The following RBFOX1 variants were observed in gnomAD, a reference collection of about 807,000 sequenced individuals.
RBFOX1 encodes RNA binding fox-1 homolog 1.
A neutral mutation model predicts 57.7 loss-of-function variants in RBFOX1; 8 were observed. That is an observed-to-expected ratio of 0.14 (90% CI 0.08 to 0.25). The LOEUF (loss-of-function observed/expected upper bound fraction) is 0.25, where lower values mean the gene tolerates loss of function less well. Ranked by LOEUF, RBFOX1 falls within the 10% of genes least tolerant of loss-of-function variation. RBFOX1 has a pLI of 1.00. For missense variants in RBFOX1, 611 were observed against 548.5 expected (o/e 1.11, Z -1.14); for synonymous variants, 326 against 222.4 (o/e 1.47, Z -4.15).
At chr16:7,617,573 G>A (rs986302149) in intron 10 of RBFOX1, among the ~76,000 whole-genome samples, 1 of 152,130 alleles carries the variant, frequency 6.6e-6, no homozygotes, top group Admixed American at 6.5e-5. Context: ...CATGACCTTA[G>A]CTGGATGGCA....
At chr16:7,628,575 C>T (rs536300471) in intron 10 of RBFOX1, among the ~76,000 whole-genome samples, 6 of 151,992 alleles carry the variant, frequency 3.9e-5, no homozygotes, top group Non-Finnish European at 8.8e-5. Flanking sequence ...ATACCTGAGG[C>T]GAGGTTAAAC....
intron 1 of RBFOX1, among the ~76,000 whole-genome samples, chr16:5,302,101 C>G (rs992616039): frequency 2.0e-5 from 3 of 152,010 alleles, no homozygotes; most frequent in African/African-American, 7.2e-5. Context: ...TAGGCTAGTG[C>G]TGGTTTATCT....
intron 3 of RBFOX1, among the ~76,000 whole-genome samples, chr16:5,665,141 C>CG (rs1567367814): frequency 2.5e-5 from 3 of 121,258 alleles, no homozygotes; most frequent in South Asian, 2.9e-4. Flanking sequence ...TGGGGGGGGG[C>CG]GGTCTTGCTA....
At chr16:7,449,055 G>GAGT (rs1380215928) in intron 4 of RBFOX1, among the ~76,000 whole-genome samples, 1 of 149,296 alleles carries the variant, frequency 6.7e-6, no homozygotes, top group Admixed American at 6.9e-5. Context: ...TCAGTCTCCG[G>GAGT]AGTAGCTGGG....
At chr16:6,304,190 A>G (rs144391259) in intron 1 of RBFOX1, among the ~76,000 whole-genome samples, 2,330 of 151,858 alleles carry the variant, frequency 0.015, 63 homozygotes, top group African/African-American at 0.053. Flanking sequence ...CAGGAGGCTG[A>G]GGAAGGAGGA....
intron 4 of RBFOX1, among the ~76,000 whole-genome samples, chr16:7,238,776 G>T (rs539725784): frequency 6.6e-5 from 10 of 152,068 alleles, no homozygotes; most frequent in Admixed American, 5.2e-4. Context: ...TGTTTCTCCC[G>T]ATCCTGTCCC....
intron 1 of RBFOX1, among the ~76,000 whole-genome samples, chr16:6,233,527 T>G (rs1323638445): frequency 6.6e-6 from 1 of 152,130 alleles, no homozygotes; most frequent in African/African-American, 2.4e-5. Context: ...AAATCCTTCG[T>G]GTGGGTGGAG....
At chr16:7,225,905 A>AATCAATAAATATATATAT (rs1555600462) in intron 4 of RBFOX1, among the ~76,000 whole-genome samples, 7 of 93,742 alleles carry the variant, frequency 7.5e-5, no homozygotes, top group African/African-American at 3.3e-4. Flanking sequence ...AAGTATAATA[A>AATCAATAAATATATATAT]ATATATATAT....
At chr16:5,322,112 A>C (rs1197086269) in intron 1 of RBFOX1, among the ~76,000 whole-genome samples, 1 of 152,190 alleles carries the variant, frequency 6.6e-6, no homozygotes, top group Non-Finnish European at 1.5e-5. Flanking sequence ...GACGCATCTG[A>C]TTCCAAAGCT....
At chr16:6,661,246 G>A (rs148656059) in intron 3 of RBFOX1, among the ~76,000 whole-genome samples, 1 of 152,286 alleles carries the variant, frequency 6.6e-6, no homozygotes, top group East Asian at 1.9e-4. Context: ...AGTGTTGAAA[G>A]CTAACTCTCA....
intron 1 of RBFOX1, among the ~76,000 whole-genome samples, chr16:5,313,969 A>G (rs2064161968): frequency 6.6e-6 from 1 of 152,132 alleles, no homozygotes; most frequent in Non-Finnish European, 1.5e-5. Context: ...TTCTCTGGGT[A>G]AGGTTGTAGC....
At chr16:5,724,607 A>G (rs2052063747) in intron 3 of RBFOX1, among the ~76,000 whole-genome samples, 1 of 152,144 alleles carries the variant, frequency 6.6e-6, no homozygotes, top group East Asian at 1.9e-4. Context: ...AGAGAGCCTA[A>G]TGCATTCTGG....
At chr16:5,556,429 G>A (rs771378784) in intron 2 of RBFOX1, among the ~76,000 whole-genome samples, 5 of 152,210 alleles carry the variant, frequency 3.3e-5, no homozygotes, top group East Asian at 1.9e-4. Flanking sequence ...CAGAGGCAAC[G>A]TTTCCAGGTC....
At chr16:6,603,655 T>C (rs890384483) in intron 2 of RBFOX1, among the ~76,000 whole-genome samples, 5 of 152,160 alleles carry the variant, frequency 3.3e-5, no homozygotes, top group Non-Finnish European at 5.9e-5. Flanking sequence ...TATGCACCAC[T>C]AGGCTGACTG....
intron 1 of RBFOX1, among the ~76,000 whole-genome samples, chr16:6,168,812 T>G (rs1346753895): frequency 6.6e-6 from 1 of 151,400 alleles, no homozygotes; most frequent in Non-Finnish European, 1.5e-5. Flanking sequence ...TTCTTTCACT[T>G]TTTTACTTTT....
chr16:6,400,052 G>C (rs575674193), intron 2 of RBFOX1, among the ~76,000 whole-genome samples: 26 of 152,280 alleles, frequency 1.7e-4, no homozygotes, highest in Admixed American at 4.6e-4. Context: ...TGAAATTTGG[G>C]TGGGGACACA....
At chr16:6,670,947 C>T (rs986167493) in intron 3 of RBFOX1, among the ~76,000 whole-genome samples, 1 of 152,220 alleles carries the variant, frequency 6.6e-6, no homozygotes, top group Admixed American at 6.5e-5. Flanking sequence ...TTGCAGCGAG[C>T]CGAGATCGTG....
chr16:6,310,643 T>G (rs2152761458), intron 1 of RBFOX1, among the ~76,000 whole-genome samples: 1 of 152,264 alleles, frequency 6.6e-6, no homozygotes, highest in Non-Finnish European at 1.5e-5. Context: ...CAAATCTGTG[T>G]CCAAAACCTG....
In RBFOX1 at chr16:7,589,912, G is replaced by GGGGTGTGT. The variant is rs71394324; in HGVS notation, c.468+2613_468+2614insGGTGTGTG. Among the ~76,000 whole-genome samples, 25 of 135,054 alleles carry GGGGTGTGT rather than the reference G, an allele frequency of 1.9e-4. No homozygotes were observed. The East Asian group carries it at 3.6e-3, about 19-fold the overall frequency. 88.6% of individuals were successfully genotyped at this position (135,054 alleles called of 152,430 possible). A position where few individuals can be genotyped will look rare whatever the true frequency, so the allele number is the denominator to read the frequency against. ...TCAATGCTGAAGGCTGTGTGTGCTG[G>GGGGTGTGT]GTGTGTGTGTGTGTGTGTGTGTGTG... is the stretch of plus-strand genomic sequence containing the variant. On this transcript the variant is annotated intron_variant, in intron 7 of 15. Transcript: ENST00000550418.
Sources: gnomAD v4.1 joint callset for allele counts (sites outside exome capture counted in the v4.1 genomes callset) on GRCh38, gnomAD v4.1.1 for gene constraint, MANE v1.5 for transcripts, NCBI Gene and HGNC (gene_info 2026-07-23, HGNC 2026-07-21) for gene names.